Variants in COL25A1 observed in about 807,000 individuals in gnomAD.
COL25A1 encodes the protein collagen alpha-1(XXV) chain.
A neutral mutation model predicts 128.4 loss-of-function variants in COL25A1; 103 were observed. That is an observed-to-expected ratio of 0.80 (90% CI 0.68 to 0.94). COL25A1 has a LOEUF of 0.94. Ranked by LOEUF, COL25A1 falls within the 40% of genes least tolerant of loss-of-function variation. The probability of loss-of-function intolerance (pLI) is 0.00; values close to 1 mark genes in which losing one functional copy is unlikely to be tolerated. For synonymous variants in COL25A1, 279 were observed against 277.2 expected (o/e 1.01, Z -0.06); for missense variants, 745 against 840.0 (o/e 0.89, Z 1.40).
At chr4:109,055,848 T>C (rs1761405098) in intron 3 of COL25A1, among the ~76,000 whole-genome samples, 1 of 152,222 alleles carries the variant, frequency 6.6e-6, no homozygotes, top group South Asian at 2.1e-4. Flanking sequence ...ACCAACCTAA[T>C]ACATTAATTT....
intron 3 of COL25A1, among the ~76,000 whole-genome samples, chr4:109,264,761 G>A (rs895616211): frequency 1.3e-5 from 2 of 152,256 alleles, no homozygotes; most frequent in Admixed American, 1.3e-4. Context: ...AGGAAATCCA[G>A]CAACATGTGA....
chr4:108,933,400 C>T lies in COL25A1; in HGVS notation c.708+4408G>A, dbSNP rs369146233. ...TCTTTTGTTTGTCTTAATAAGTGGG[C>T]GAGAAGGAGAATGTTATGAAAAATT... On this transcript the variant is annotated intron_variant, in intron 11 of 37. Transcript: ENST00000399132. 4.6e-5 allele frequency among the ~76,000 whole-genome samples: 7 copies of T among 151,572 alleles called. No homozygotes were observed. In the East Asian group the frequency reaches 1.2e-3, roughly 25 times the overall value.
chr4:109,249,770 C>T (rs867882444), intron 3 of COL25A1, among the ~76,000 whole-genome samples: 4 of 152,142 alleles, frequency 2.6e-5, no homozygotes, highest in Non-Finnish European at 4.4e-5. Flanking sequence ...AAATAACATT[C>T]CTACTTTCCT....
chr4:108,898,745 T>C (rs931955555), intron 15 of COL25A1, among the ~76,000 whole-genome samples: 1 of 152,100 alleles, frequency 6.6e-6, no homozygotes, highest in Admixed American at 6.6e-5. Context: ...GCAGACCAGA[T>C]TTTGCAGGCC....
chr4:109,016,434 C>A (rs1048077866), intron 5 of COL25A1, among the ~76,000 whole-genome samples: 1 of 152,228 alleles, frequency 6.6e-6, no homozygotes, highest in African/African-American at 2.4e-5. Flanking sequence ...CAGACAGATT[C>A]CTAGGCGGAA....
At chr4:109,249,659 C>G (rs2126241190) in intron 3 of COL25A1, among the ~76,000 whole-genome samples, 1 of 152,210 alleles carries the variant, frequency 6.6e-6, no homozygotes, top group Non-Finnish European at 1.5e-5. Flanking sequence ...GAAAAAGTTA[C>G]TAAATATTCA....
At chr4:108,913,478 G>A (rs765464888) in intron 13 of COL25A1, among the ~76,000 whole-genome samples, 7 of 151,652 alleles carry the variant, frequency 4.6e-5, no homozygotes, top group African/African-American at 7.3e-5. Flanking sequence ...GGCTGGTCTC[G>A]AACTCCCGAC....
At chr4:108,880,578 T>G (rs963681057) in intron 19 of COL25A1, among the ~76,000 whole-genome samples, 4 of 152,220 alleles carry the variant, frequency 2.6e-5, no homozygotes, top group African/African-American at 9.7e-5. Context: ...TACTACATGC[T>G]TGGCAATATT....
At chr4:108,855,076 C>T (rs943320706) in intron 24 of COL25A1, among the ~76,000 whole-genome samples, 18 of 151,994 alleles carry the variant, frequency 1.2e-4, no homozygotes, top group Admixed American at 9.8e-4. Context: ...CCTTTAGGGA[C>T]TCTGGTCATA....
At chr4:109,197,602 C>T (rs1464946975) in intron 3 of COL25A1, among the ~76,000 whole-genome samples, 3 of 146,996 alleles carry the variant, frequency 2.0e-5, no homozygotes, top group Non-Finnish European at 3.0e-5. Flanking sequence ...TTTGCATGCT[C>T]TCATTGGGAA....
At chr4:109,154,011 T>C (rs1002114749) in intron 3 of COL25A1, among the ~76,000 whole-genome samples, 19 of 152,258 alleles carry the variant, frequency 1.2e-4, no homozygotes, top group Admixed American at 1.1e-3. Context: ...CCAATATACT[T>C]GAGCAAACAA....
At position 109,119,077 on chromosome 4, in the gene COL25A1, C is replaced by G. The variant is rs1351656617; in HGVS notation, c.368-68898G>C. ...AAAACAGCTAAAACATCCCAAAATA[C>G]TTAGAGATTAAACAATATACTTCTA... is the stretch of plus-strand genomic sequence containing the variant. On this transcript the variant is annotated intron_variant, in intron 3 of 37. Coordinates refer to ENST00000399132, the MANE Select transcript of COL25A1 (RefSeq NM_198721.4). Among the ~76,000 whole-genome samples the G allele has an allele frequency of 2.6e-5, 4 of 152,048 alleles. No homozygotes were observed. In the East Asian group the frequency reaches 7.8e-4, roughly 29 times the overall value.
At chr4:109,000,815 G>A (rs1324561663) in intron 6 of COL25A1, among the ~76,000 whole-genome samples, 1 of 136,786 alleles carries the variant, frequency 7.3e-6, no homozygotes, top group Non-Finnish European at 1.6e-5. Flanking sequence ...GAAAAAGGGA[G>A]AAATTACATT....
intron 8 of COL25A1, among the ~76,000 whole-genome samples, chr4:108,971,965 T>C (rs1751954723): frequency 6.6e-6 from 1 of 152,168 alleles, no homozygotes; most frequent in African/African-American, 2.4e-5. Flanking sequence ...GTCCAAGTAC[T>C]TAAAAATAGT....
At chr4:109,050,984 C>G (rs1325272227) in intron 3 of COL25A1, among the ~76,000 whole-genome samples, 1 of 151,862 alleles carries the variant, frequency 6.6e-6, no homozygotes, top group African/African-American at 2.4e-5. Flanking sequence ...CCATTATTCT[C>G]AATTATATAA....
intron 3 of COL25A1, among the ~76,000 whole-genome samples, chr4:109,172,858 A>G (rs570403759): frequency 1.3e-5 from 2 of 152,298 alleles, no homozygotes; most frequent in Admixed American, 1.3e-4. Flanking sequence ...ATAATGGAAG[A>G]TTCATCATGG....
At chr4:108,963,289 A>G (rs1375042799) in intron 8 of COL25A1, among the ~76,000 whole-genome samples, 12 of 152,166 alleles carry the variant, frequency 7.9e-5, no homozygotes, top group Admixed American at 7.9e-4. Context: ...CTATAATTCT[A>G]TATTAGGGAG....
rs541706799 is a variant in COL25A1 at position 109,051,349 on chromosome 4, G to A, written c.368-1170C>T. 2.0e-4 allele frequency among the ~76,000 whole-genome samples: 31 copies of A among 152,200 alleles called. No homozygotes were observed. The East Asian group carries it at 4.3e-3, about 21-fold the overall frequency. On this transcript the variant is annotated intron_variant, in intron 3 of 37. Coordinates refer to ENST00000399132, the MANE Select transcript of COL25A1 (RefSeq NM_198721.4). ...TCCCTTACACAGAATAAGTCTGACC[G>A]TCTGTATTTTGTAAGAGGTTAAGAA... is the stretch of plus-strand genomic sequence containing the variant.
intron 6 of COL25A1, among the ~76,000 whole-genome samples, chr4:108,989,827 A>G (rs561358245): frequency 1.3e-5 from 2 of 152,328 alleles, no homozygotes; most frequent in Non-Finnish European, 2.9e-5. Flanking sequence ...AAAAATAAGT[A>G]TATATTTAAA....
Sources: allele counts gnomAD v4.1 joint callset (sites outside exome capture counted in the v4.1 genomes callset), GRCh38; gene constraint gnomAD v4.1.1; transcripts MANE v1.5; gene names NCBI Gene and HGNC (gene_info 2026-07-23, HGNC 2026-07-21).